The following CNTNAP2 variants were observed in gnomAD, a reference collection of about 807,000 sequenced individuals.
The protein encoded by CNTNAP2 is contactin-associated protein-like 2.
CNTNAP2 carries 98 observed loss-of-function variants against 155.2 expected under a neutral mutation model. The ratio of observed to expected loss-of-function variants is 0.63; its 90% CI spans 0.54 to 0.75. The LOEUF is 0.75. Among genes scored for constraint, CNTNAP2 ranks in the 30% least tolerant of loss-of-function variants. The probability of loss-of-function intolerance (pLI) is 0.00; values close to 1 mark genes in which losing one functional copy is unlikely to be tolerated. For missense variants in CNTNAP2, 1,727 were observed against 1,688.1 expected, an observed-to-expected ratio of 1.02 and a Z score of -0.40; for synonymous variants, 651 against 631.2, an observed-to-expected ratio of 1.03 and a Z score of -0.47.
chr7:147,730,710 C>G (rs1002987339), intron 13 of CNTNAP2, among the ~76,000 whole-genome samples: 2 of 152,000 alleles, frequency 1.3e-5, no homozygotes, highest in Non-Finnish European at 2.9e-5. Context: ...ACATCTGTCA[C>G]TTTAAATCAA....
At chr7:146,185,002 A>C (rs964123655) in intron 1 of CNTNAP2, among the ~76,000 whole-genome samples, 7 of 152,172 alleles carry the variant, frequency 4.6e-5, no homozygotes, top group African/African-American at 1.7e-4. Context: ...AAAAACGAAC[A>C]TCCCATATTC....
chr7:147,221,462 C>T lies in CNTNAP2; in HGVS notation c.1349-78679C>T, dbSNP rs182280918. 2.7e-3 allele frequency among the ~76,000 whole-genome samples: 409 copies of T among 152,048 alleles called. 1 individual carries two copies. Among genetic ancestry groups the T allele is most frequent in the African/African-American group, 9.2e-3 (381 of 41,500 alleles). On this transcript the variant is annotated intron_variant, in intron 8 of 23. Coordinates refer to ENST00000361727, the MANE Select transcript of CNTNAP2 (RefSeq NM_014141.6). ...GATGCTGGGCTGCAGCTGAGAGTGC[C>T]GTCCCATTGCAAGGAATATCAGGTC... is the stretch of plus-strand genomic sequence containing the variant.
chr7:146,358,823 A>G (rs1205919111), intron 1 of CNTNAP2, among the ~76,000 whole-genome samples: 3 of 152,222 alleles, frequency 2.0e-5, no homozygotes, highest in Non-Finnish European at 2.9e-5. Flanking sequence ...CAAATGAGAA[A>G]GAAAGCCAGT....
intron 3 of CNTNAP2, among the ~76,000 whole-genome samples, chr7:146,949,073 G>A (rs1337750842): frequency 2.0e-5 from 3 of 152,038 alleles, no homozygotes; most frequent in Non-Finnish European, 4.4e-5. Flanking sequence ...CTCCTCCCAG[G>A]GCCTTTAACC....
chr7:146,125,575 C>T (rs1480316935), intron 1 of CNTNAP2, among the ~76,000 whole-genome samples: 4 of 113,274 alleles, frequency 3.5e-5, no homozygotes, highest in Non-Finnish European at 6.7e-5. Context: ...AGCGAGACTC[C>T]GTCTCCAAAA....
At chr7:146,207,642 T>G (rs7787255) in intron 1 of CNTNAP2, among the ~76,000 whole-genome samples, 11,773 of 148,752 alleles carry the variant, frequency 0.079, 1,054 homozygotes, top group African/African-American at 0.23. Context: ...ACTGTGTTTT[T>G]TTTTTTTTTT....
chr7:147,705,026 T>C (rs1415071500), intron 13 of CNTNAP2, among the ~76,000 whole-genome samples: 1 of 152,144 alleles, frequency 6.6e-6, no homozygotes, highest in Non-Finnish European at 1.5e-5. Context: ...TTCATTTTGT[T>C]GATCCTTTGT....
At chr7:147,133,601 T>C (rs1282790214) in intron 8 of CNTNAP2, among the ~76,000 whole-genome samples, 7 of 152,062 alleles carry the variant, frequency 4.6e-5, no homozygotes, top group Admixed American at 4.6e-4. Context: ...GCATATAGAA[T>C]AGTACCTGTA....
chr7:146,815,623 T>G (rs1283346412), intron 2 of CNTNAP2, among the ~76,000 whole-genome samples: 1 of 152,206 alleles, frequency 6.6e-6, no homozygotes, highest in Admixed American at 6.5e-5. Flanking sequence ...GTGAGGAAAC[T>G]TATTGTATTC....
rs927210915 is a variant in CNTNAP2, at chr7:147,461,858, G to A, written c.1671-24077G>A. Among the ~76,000 whole-genome samples, 4 of 152,234 alleles carry A rather than the reference G, an allele frequency of 2.6e-5. No individual in the cohort carries two copies. The East Asian group carries it at 5.8e-4, about 22-fold the overall frequency. ...AAATTAGGGATTGAGTGCCTCATTC[G>A]AAAATAGCAGCATTTAAGTGAATGT... On this transcript the variant is annotated intron_variant, in intron 10 of 23. Transcript: ENST00000361727.
At chr7:147,924,034 T>C (rs1800335183) in intron 14 of CNTNAP2, among the ~76,000 whole-genome samples, 2 of 152,202 alleles carry the variant, frequency 1.3e-5, no homozygotes, top group Admixed American at 6.5e-5. Flanking sequence ...CCTAATGTGG[T>C]GCCAGTCTCC....
chr7:148,089,692 G>A (rs1803800308), intron 15 of CNTNAP2, among the ~76,000 whole-genome samples: 1 of 151,648 alleles, frequency 6.6e-6, no homozygotes, highest in Non-Finnish European at 1.5e-5. Flanking sequence ...GAAGAATATT[G>A]TTAAGAATTC....
chr7:147,869,424 C>A (rs1012580940), intron 13 of CNTNAP2, among the ~76,000 whole-genome samples: 2 of 152,120 alleles, frequency 1.3e-5, no homozygotes, highest in Non-Finnish European at 2.9e-5. Context: ...TCCAAGTTGA[C>A]AACAATGTGT....
At chr7:148,106,493 G>GATAGATAGATATAT (rs1490418389) in intron 15 of CNTNAP2, among the ~76,000 whole-genome samples, 20 of 124,922 alleles carry the variant, frequency 1.6e-4, no homozygotes, top group African/African-American at 3.1e-4. Flanking sequence ...CACACTTTGA[G>GATAGATAGATATAT]ATATATATAT....
chr7:147,471,873 T>C (rs940873664), intron 10 of CNTNAP2, among the ~76,000 whole-genome samples: 1 of 152,204 alleles, frequency 6.6e-6, no homozygotes, highest in African/African-American at 2.4e-5. Context: ...GTAATGTAGA[T>C]GAAGGTGGTG....
At chr7:148,188,684 T>C (rs1274880450) in intron 18 of CNTNAP2, among the ~76,000 whole-genome samples, 4 of 152,220 alleles carry the variant, frequency 2.6e-5, no homozygotes, top group Non-Finnish European at 1.5e-5. Context: ...TATTGATCCA[T>C]GTTAGAATTT....
At chr7:147,071,994 G>A (rs575906724) in intron 4 of CNTNAP2, among the ~76,000 whole-genome samples, 1 of 152,082 alleles carries the variant, frequency 6.6e-6, no homozygotes, top group South Asian at 2.1e-4. Context: ...TTACAGATCT[G>A]CACAGTGGAG....
intron 22 of CNTNAP2, among the ~76,000 whole-genome samples, chr7:148,402,799 T>C (rs1328536408): frequency 6.6e-6 from 1 of 152,152 alleles, no homozygotes; most frequent in Non-Finnish European, 1.5e-5. Context: ...GTGGTTTCCA[T>C]GGAGATATTT....
chr7:147,971,282 C>T (rs1291868278), intron 14 of CNTNAP2, among the ~76,000 whole-genome samples: 1 of 151,994 alleles, frequency 6.6e-6, no homozygotes, highest in African/African-American at 2.4e-5. Flanking sequence ...TTTTAATAAC[C>T]TCATTGAAGT....
Sources: gnomAD v4.1 joint callset for allele counts (sites outside exome capture counted in the v4.1 genomes callset) on GRCh38, gnomAD v4.1.1 for gene constraint, MANE v1.5 for transcripts, NCBI Gene and HGNC (gene_info 2026-07-23, HGNC 2026-07-21) for gene names.